The following LOC128462377 variants were observed in gnomAD, a reference collection of about 807,000 sequenced individuals.
At chr16:89,343,957 A>G in the LOC128462377 span, 2 of 152,168 alleles carry the variant, frequency 1.3e-5, no homozygotes, top group African/African-American at 2.4e-5. Context: ...ACCCACCCAC[A>G]CTCACGGCCA....
At chr16:89,362,780 C>T in the LOC128462377 span, among the ~76,000 whole-genome samples, 5 of 152,300 alleles carry the variant, frequency 3.3e-5, no homozygotes, top group African/African-American at 1.2e-4. Context: ...ACGGCCTGTT[C>T]CTCTTCCTTA....
At chr16:89,402,149 T>C in the LOC128462377 span, among the ~76,000 whole-genome samples, 5 of 152,264 alleles carry the variant, frequency 3.3e-5, no homozygotes, top group East Asian at 9.6e-4. Flanking sequence ...ACTGAATCTG[T>C]GTAACTTTTA....
chr16:89,324,252 T>C, the LOC128462377 span: 4 of 1,218,316 alleles, frequency 3.3e-6, 1 homozygote, highest in Non-Finnish European at 4.2e-6. Context: ...GCTTGGTCAC[T>C]GGGCTGTGGA....
At chr16:89,369,685 T>C in the LOC128462377 span, among the ~76,000 whole-genome samples, 1 of 152,188 alleles carries the variant, frequency 6.6e-6, no homozygotes, top group African/African-American at 2.4e-5. Context: ...GTCCCGACTG[T>C]GGGACACAGG....
At chr16:89,341,889 GCTGCACCTCCA>G in the LOC128462377 span, among the ~76,000 whole-genome samples, 33 of 145,114 alleles carry the variant, frequency 2.3e-4, 1 homozygote, top group African/African-American at 8.1e-4. Context: ...CGGCAGGAGT[GCTGCACCTCCA>G]CCCACAGCGG....
chr16:89,336,961 G>A, the LOC128462377 span, among the ~76,000 whole-genome samples: 1 of 143,686 alleles, frequency 7.0e-6, no homozygotes, highest in Non-Finnish European at 1.5e-5. Context: ...CTTGAGCTCA[G>A]GAGGTGGAGA....
At chr16:89,384,391 C>T in the LOC128462377 span, among the ~76,000 whole-genome samples, 2 of 151,964 alleles carry the variant, frequency 1.3e-5, no homozygotes, top group Non-Finnish European at 2.9e-5. Flanking sequence ...ATTAGCTAGG[C>T]GTAGTGGTGC....
At chr16:89,317,337 C>G in the LOC128462377 span, among the ~76,000 whole-genome samples, 1 of 152,228 alleles carries the variant, frequency 6.6e-6, no homozygotes, top group Non-Finnish European at 1.5e-5. Flanking sequence ...GAAAGGGACG[C>G]ATGGCCTAGG....
chr16:89,387,741 G>GCCTGTAATC, the LOC128462377 span, among the ~76,000 whole-genome samples: 1 of 148,188 alleles, frequency 6.7e-6, no homozygotes, highest in Non-Finnish European at 1.5e-5. Context: ...GGTAGCTTGC[G>GCCTGTAATC]CCTGTAATCC....
the LOC128462377 span, among the ~76,000 whole-genome samples, chr16:89,359,794 G>A: frequency 6.6e-6 from 1 of 152,202 alleles, no homozygotes; most frequent in African/African-American, 2.4e-5. Flanking sequence ...TCTATGTGAT[G>A]CAGAAAGATA....
chr16:89,322,951 C>A, the LOC128462377 span: 2 of 250,968 alleles, frequency 8.0e-6, no homozygotes, highest in Non-Finnish European at 7.9e-6. Flanking sequence ...TCAAGCTATC[C>A]GCTCACTTGA....
At chr16:89,324,387 G>A in the LOC128462377 span, 1 of 626,654 alleles carries the variant, frequency 1.6e-6, no homozygotes, top group Non-Finnish European at 2.6e-6. Context: ...TGGGCGCAAA[G>A]TTCTCAGCTT....
chr16:89,340,335 T>C, the LOC128462377 span, among the ~76,000 whole-genome samples: 1 of 152,276 alleles, frequency 6.6e-6, no homozygotes. Context: ...TGAAGTGCAG[T>C]GGCACCATCT....
chr16:89,343,939 G>C, the LOC128462377 span: 5 of 152,222 alleles, frequency 3.3e-5, no homozygotes, highest in African/African-American at 1.2e-4. Flanking sequence ...TTTGGGTGTG[G>C]GAAATCCACC....
At chr16:89,351,415 A>G in the LOC128462377 span, among the ~76,000 whole-genome samples, 1 of 152,096 alleles carries the variant, frequency 6.6e-6, no homozygotes, top group Admixed American at 6.6e-5. Flanking sequence ...TTCACCACAC[A>G]CCCTCCACTA....
chr16:89,391,343 G>A, the LOC128462377 span, among the ~76,000 whole-genome samples: 1 of 152,066 alleles, frequency 6.6e-6, no homozygotes, highest in African/African-American at 2.4e-5. Context: ...GTGGGTGCTG[G>A]AGTGCTGGCA....
the LOC128462377 span, among the ~76,000 whole-genome samples, chr16:89,321,723 G>GCACAGAAAAAAAAAAAAAAAA: frequency 1.3e-5 from 2 of 152,030 alleles, no homozygotes; most frequent in Non-Finnish European, 2.9e-5. Context: ...AGACTTCTTT[G>GCACAGAAAAAAAAAAAAAAAA]GGGTTGAAAT....
At chr16:89,366,962 G>A in the LOC128462377 span, among the ~76,000 whole-genome samples, 1 of 152,200 alleles carries the variant, frequency 6.6e-6, no homozygotes, top group Non-Finnish European at 1.5e-5. Context: ...CAGACCCACA[G>A]GCTGGATTAG....
the LOC128462377 span, among the ~76,000 whole-genome samples, chr16:89,344,127 ACCCTGGAGTCTGTG>A: frequency 3.3e-5 from 5 of 152,092 alleles, no homozygotes; most frequent in East Asian, 9.6e-4. Context: ...CTGGGAACAA[ACCCTGGAGTCTGTG>A]CTCTGGGAGG....
Sources: allele counts gnomAD v4.1 joint callset (sites outside exome capture counted in the v4.1 genomes callset), GRCh38; gene constraint gnomAD v4.1.1; transcripts MANE v1.5.